CSRP1: variants seen among roughly 807,000 people sequenced by gnomAD.
CSRP1 encodes cysteine and glycine-rich protein 1.
CSRP1 carries 16 observed loss-of-function variants against 25.4 expected under a neutral mutation model. The ratio of observed to expected loss-of-function variants is 0.63; its 90% CI spans 0.43 to 0.96. The LOEUF is 0.96. CSRP1 is among the 40% of genes least tolerant of loss of function. The pLI is 0.00. For missense variants in CSRP1, 212 were observed against 243.6 expected (o/e 0.87, Z 0.86); for synonymous variants, 97 against 95.3 (o/e 1.02, Z -0.10).
chr1:201,498,316 AG>A (rs1664570146), intron 1 of CSRP1, among the ~76,000 whole-genome samples: 1 of 152,192 alleles, frequency 6.6e-6, no homozygotes. Flanking sequence ...GGCTATACAA[AG>A]CACCACCTAC....
At chr1:201,498,155 G>C (rs1445078007) in intron 1 of CSRP1, among the ~76,000 whole-genome samples, 1 of 152,182 alleles carries the variant, frequency 6.6e-6, no homozygotes, top group Non-Finnish European at 1.5e-5. Context: ...TGCCCACGTG[G>C]CCACAGAGCA....
At chr1:201,503,155 A>G (rs1664715929) in intron 1 of CSRP1, among the ~76,000 whole-genome samples, 1 of 152,128 alleles carries the variant, frequency 6.6e-6, no homozygotes, top group Non-Finnish European at 1.5e-5. Context: ...CAAAAAAAAG[A>G]AGTCTGAAGG....
chr1:201,496,133 G>T (rs943137983), intron 2 of CSRP1, 59 bp downstream of exon 2: 3 of 1,339,256 alleles, frequency 2.2e-6, no homozygotes, highest in Non-Finnish European at 3.2e-6. Flanking sequence ...CCCAGCCTGT[G>T]GGGGCAGGCC....
rs573193 is a variant in CSRP1, at chr1:201,493,988, G to A, written c.112+2204C>T. ...CTGCTGGGACATGTGCAGTGCTAGG[G>A]GGTCCACTTGGTGCTCTGATATCCA... On this transcript the variant is annotated intron_variant, in intron 2 of 5. Coordinates refer to ENST00000340006, the MANE Select transcript of CSRP1 (RefSeq NM_004078.3). Among the ~76,000 whole-genome samples, 1,128 of 152,240 alleles carry A rather than the reference G, an allele frequency of 7.4e-3. 12 individuals carry two copies. The highest frequency in any genetic ancestry group is 0.026 in the African/African-American group (1,080 of 41,534).
At position 201,484,438 on chromosome 1, in the gene CSRP1, G is replaced by A. The variant is rs1252053189; in HGVS notation, c.*275C>T. The A allele has an allele frequency of 1.3e-5, 7 of 534,542 alleles. No homozygotes were observed. The highest frequency in any genetic ancestry group is 3.8e-5 in the African/African-American group (2 of 53,044). 33.1% of individuals were successfully genotyped at this position (534,542 alleles called of 1,614,324 possible). ...GGCTAAGAACAGAGCTCTGTGGGGCGAGGTGTGGGGAGAGGGGCCTGCTCT... is the reference window on the plus strand; with the variant it reads ...GGCTAAGAACAGAGCTCTGTGGGGCAAGGTGTGGGGAGAGGGGCCTGCTCT... On this transcript the variant is annotated 3_prime_UTR_variant, in exon 6 of 6. Coordinates refer to ENST00000340006, the MANE Select transcript of CSRP1 (RefSeq NM_004078.3).
chr1:201,498,009 C>CAA (rs528333486), intron 1 of CSRP1, among the ~76,000 whole-genome samples: 66 of 131,930 alleles, frequency 5.0e-4, no homozygotes, highest in African/African-American at 1.7e-3. Context: ...GACTCCGTCT[C>CAA]AAAAAAAAAA....
intron 1 of CSRP1, 50 bp from the exon 2 acceptor site, chr1:201,496,354 A>G (rs761543312): frequency 2.1e-6 from 3 of 1,409,132 alleles, no homozygotes; most frequent in Non-Finnish European, 3.0e-6. Context: ...AGATGGAAAC[A>G]TCTCAGATTG....
chr1:201,491,400 A>G (rs1664335138), intron 2 of CSRP1: 1 of 152,206 alleles, frequency 6.6e-6, no homozygotes, highest in Non-Finnish European at 1.5e-5. Context: ...AGCCATTTGC[A>G]AGTTTTTTTT....
chr1:201,489,268 C>T, intron 3 of CSRP1: 1 of 272,916 alleles, frequency 3.7e-6, no homozygotes, highest in Non-Finnish European at 7.1e-6. Context: ...CCCTCCTCTG[C>T]CCCTCATTCC....
rs3738285 is a variant in CSRP1, at chr1:201,488,786, A to C, written c.411+69T>G. ...TGAGCAGAGCTAGGTCACCAATTTA[A>C]AAGTTCTGGAATCCACATTTCAGGA... On this transcript the variant is annotated intron_variant, in intron 4 of 5. Transcript: ENST00000340006. 0.024 allele frequency: 38,260 copies of C among 1,582,308 alleles called. 2,516 individuals carry two copies. Among genetic ancestry groups the C allele is most frequent in the East Asian group, 0.18 (7,784 of 44,130 alleles).
At chr1:201,486,571 T>G in intron 4 of CSRP1, 1 of 990,950 alleles carries the variant, frequency 1.0e-6, no homozygotes, top group Non-Finnish European at 1.2e-6. Flanking sequence ...TCACCCAGCC[T>G]TTGCTGCCTC....
At chr1:201,493,452 T>C (rs1664406236) in intron 2 of CSRP1, among the ~76,000 whole-genome samples, 1 of 152,184 alleles carries the variant, frequency 6.6e-6, no homozygotes, top group Non-Finnish European at 1.5e-5. Flanking sequence ...TAAATGGGAG[T>C]TCCCCCATAC....
At chr1:201,506,063 T>C (rs1268412567) in intron 1 of CSRP1, among the ~76,000 whole-genome samples, 1 of 152,168 alleles carries the variant, frequency 6.6e-6, no homozygotes, top group Non-Finnish European at 1.5e-5. Context: ...TTAAATAGTT[T>C]GTCCAAGGAA....
At chr1:201,485,197 T>TA in intron 5 of CSRP1, 86 bp downstream of exon 5, 3 of 1,090,702 alleles carry the variant, frequency 2.8e-6, no homozygotes, top group Non-Finnish European at 4.3e-6. Flanking sequence ...GGCCAGGAAT[T>TA]AGTTTACATT....
intron 1 of CSRP1, among the ~76,000 whole-genome samples, chr1:201,497,398 A>G (rs1479676449): frequency 6.8e-6 from 1 of 147,380 alleles, no homozygotes; most frequent in Admixed American, 6.9e-5. Flanking sequence ...GGAGGTAGGC[A>G]CACAGGGCAG....
In CSRP1 at chr1:201,498,587, T is replaced by A. The variant is rs147660808; in HGVS notation, c.-1-2283A>T. On this transcript the variant is annotated intron_variant, in intron 1 of 5. Coordinates refer to ENST00000340006, the MANE Select transcript of CSRP1 (RefSeq NM_004078.3). ...GTCAAGGGCAGAGGGAGATACAGTC[T>A]CCATTACTGGAGAGCTCCCATTTGA... is the stretch of plus-strand genomic sequence containing the variant. Among the ~76,000 whole-genome samples the A allele has an allele frequency of 3.3e-5, 5 of 152,274 alleles. No homozygotes were observed. The East Asian group carries it at 9.7e-4, about 29-fold the overall frequency.
chr1:201,503,134 A>G lies in CSRP1; in HGVS notation c.-2+3936T>C, dbSNP rs567341058. On this transcript the variant is annotated intron_variant, in intron 1 of 5. Coordinates refer to ENST00000340006, the MANE Select transcript of CSRP1 (RefSeq NM_004078.3). ...CACTCCAGCCTGGGGGACAAAAGCGAAACTCTGTCTCAAAAAAAAGAAGTC... is the reference window on the plus strand; with the variant it reads ...CACTCCAGCCTGGGGGACAAAAGCGGAACTCTGTCTCAAAAAAAAGAAGTC... Among the ~76,000 whole-genome samples the G allele has an allele frequency of 6.6e-4, 101 of 152,314 alleles. 1 individual carries two copies. The highest frequency in any genetic ancestry group is 2.4e-3 in the African/African-American group (100 of 41,578).
intron 1 of CSRP1, among the ~76,000 whole-genome samples, chr1:201,501,440 C>A (rs1368517526): frequency 1.3e-5 from 2 of 152,184 alleles, no homozygotes. Flanking sequence ...CAACAGAGAA[C>A]AGAGCTTGAA....
intron 1 of CSRP1, among the ~76,000 whole-genome samples, chr1:201,498,693 C>A (rs940298523): frequency 6.6e-6 from 1 of 152,212 alleles, no homozygotes; most frequent in African/African-American, 2.4e-5. Flanking sequence ...GCACTTGGCA[C>A]GTGGCTGTTC....
Sources: allele counts gnomAD v4.1 joint callset (sites outside exome capture counted in the v4.1 genomes callset), GRCh38; gene constraint gnomAD v4.1.1; transcripts MANE v1.5; gene names NCBI Gene and HGNC (gene_info 2026-07-23, HGNC 2026-07-21).